Variants in EXOSC1 observed in about 807,000 individuals in gnomAD.
EXOSC1 encodes exosome complex component CSL4.
EXOSC1 carries 27 observed loss-of-function variants against 31.4 expected under a neutral mutation model. That is an observed-to-expected ratio of 0.86 (90% CI 0.63 to 1.18). The LOEUF is 1.18. EXOSC1 is among the 50% of genes most tolerant of loss of function. EXOSC1 has a pLI of 0.00. For synonymous variants in EXOSC1, 84 were observed against 89.5 expected (o/e 0.94, Z 0.35); for missense variants, 228 against 250.3 (o/e 0.91, Z 0.60).
chr10:97,437,809 G>A (rs958742377), intron 5 of EXOSC1, 59 bp from the exon 6 acceptor site: 2 of 1,406,174 alleles, frequency 1.4e-6, no homozygotes, highest in East Asian at 2.3e-5. Context: ...ATATGAAACT[G>A]TGAACGCTTC....
rs1391159719 is a variant in EXOSC1, at chr10:97,437,196, T to C, written c.476A>G (p.Glu159Gly). ...NELGVVVAHS[E>G]SGIQMVPISW... ...TGGAAACAAGGCCATCTCACCTGAC[T>C]CACTGTGGGCTACCACCACTCCCAG... The change falls in exon 7 of 8, where the codon GAG becomes GGG. Residue 159 changes from glutamate to glycine, a missense_variant. By Grantham distance (98) the Glu-to-Gly change is moderately conservative. Transcript: ENST00000370902. 6.2e-7 allele frequency: 1 copy of C among 1,613,690 alleles called. No homozygotes were observed. Among genetic ancestry groups the C allele is most frequent in the South Asian group, 1.1e-5 (1 of 91,050 alleles).
At chr10:97,436,840 A>G (rs944204322) in intron 7 of EXOSC1, among the ~76,000 whole-genome samples, 1 of 152,164 alleles carries the variant, frequency 6.6e-6, no homozygotes, top group African/African-American at 2.4e-5. Context: ...CCTGGCCAAC[A>G]TGGCGAAACC....
intron 6 of EXOSC1, 47 bp from the exon 7 acceptor site, chr10:97,437,322 C>T (rs761743572): frequency 4.0e-5 from 59 of 1,460,944 alleles, no homozygotes; most frequent in Non-Finnish European, 5.0e-5. Context: ...TAGAAGTCTT[C>T]CCCCACCTTA....
chr10:97,442,241 A>T (rs1029333819), intron 3 of EXOSC1, among the ~76,000 whole-genome samples: 1 of 151,932 alleles, frequency 6.6e-6, no homozygotes, highest in Non-Finnish European at 1.5e-5. Context: ...AAAAGAACTC[A>T]GCTTCAGATG....
In EXOSC1 at chr10:97,443,265, G is replaced by A; in HGVS notation, c.194C>T (p.Pro65Leu). Residue 65 changes from proline to leucine, a missense_variant, in exon 3 of 8, where the codon CCA becomes CTA. By Grantham distance (98) the Pro-to-Leu change is moderately conservative. Transcript: ENST00000370902. ...ACAGGTTACAATAGCTCCCACATCT[G>A]GCAGTAACTGGGACTCTGTTTCTCT... ...VVRETESQLL[P>L]DVGAIVTCKV... The A allele has an allele frequency of 1.9e-6, 3 of 1,614,076 alleles. No individual in the cohort carries two copies. Among genetic ancestry groups the A allele is most frequent in the Non-Finnish European group, 2.5e-6 (3 of 1,179,980 alleles).
At position 97,436,425 on chromosome 10, in the gene EXOSC1, A is replaced by C. The variant is rs769017478; in HGVS notation, c.*20T>G. On this transcript the variant is annotated 3_prime_UTR_variant, in exon 8 of 8. Coordinates refer to ENST00000370902, the MANE Select transcript of EXOSC1 (RefSeq NM_016046.5). Reference sequence around the variant, plus strand: ...ACTCAGGAACAGCTTACCCCCTTCCATAGGGTAAAAAGTGGCTTCTTAGGT... The same window carrying C: ...ACTCAGGAACAGCTTACCCCCTTCCCTAGGGTAAAAAGTGGCTTCTTAGGT... The C allele has an allele frequency of 1.9e-6, 3 of 1,570,608 alleles. No individual in the cohort carries two copies. The highest frequency in any genetic ancestry group is 2.6e-6 in the Non-Finnish European group (3 of 1,141,118).
Position 97,445,841 on chromosome 10 carries a change from C to A in EXOSC1, c.38G>T (p.Arg13Leu). 1.2e-6 allele frequency: 2 copies of A among 1,613,862 alleles called. No individual in the cohort carries two copies. The highest frequency in any genetic ancestry group is 1.7e-6 in the Non-Finnish European group (2 of 1,179,810). The change falls in exon 2 of 8, where the codon CGT becomes CTT. Residue 13 changes from arginine (R) to leucine (L), a missense_variant. Physicochemically the swap from Arg to Leu is moderately radical, Grantham distance 102. Transcript: ENST00000370902. ...GCTGCCCTCCTCCAAGTTACACAGA[C>A]GTTCGCCTGCAGAAAAAATGCTGCA... ...PPVRYCIPGE[R>L]LCNLEEGSPG...
intron 4 of EXOSC1, chr10:97,440,705 G>A (rs1845687934): frequency 6.6e-6 from 1 of 152,512 alleles, no homozygotes. Flanking sequence ...TTTTAGTAGA[G>A]ACAGGGTTTC....
chr10:97,440,129 C>T (rs1286706247), intron 4 of EXOSC1, among the ~76,000 whole-genome samples: 17 of 152,016 alleles, frequency 1.1e-4, no homozygotes, highest in Non-Finnish European at 2.2e-4. Flanking sequence ...TGTGCCACCA[C>T]GCCTGGCTAA....
intron 2 of EXOSC1, 167 bp downstream of exon 2, chr10:97,445,565 T>C: frequency 3.1e-6 from 2 of 638,026 alleles, no homozygotes; most frequent in East Asian, 5.5e-5. Context: ...AACTAGTGTG[T>C]GGTGGCTAAG....
At chr10:97,445,589 C>T in intron 2 of EXOSC1, 143 bp downstream of exon 2, 1 of 710,856 alleles carries the variant, frequency 1.4e-6, no homozygotes, top group South Asian at 1.9e-5. Context: ...ACCACAGCGG[C>T]GATACGGCTA....
chr10:97,441,104 C>T, intron 4 of EXOSC1, 67 bp downstream of exon 4: 10 of 1,264,966 alleles, frequency 7.9e-6, no homozygotes, highest in Non-Finnish European at 1.1e-5. Context: ...GCTCAAAATT[C>T]TGGTGTCCTA....
rs911055742 is a variant in EXOSC1 at position 97,441,268 on chromosome 10, T to C, written c.223-9A>G. 6.2e-7 allele frequency: 1 copy of C among 1,613,028 alleles called. No individual in the cohort carries two copies. Among genetic ancestry groups the C allele is most frequent in the Non-Finnish European group, 8.5e-7 (1 of 1,179,148 alleles). On this transcript the variant is annotated splice_polypyrimidine_tract_variant and intron_variant, in intron 3 of 7. Transcript: ENST00000370902. ...GAATTGATGCTAGAGACCTGCGGAATAGAGAAAAGATCAGCATCAGAGTAT... is the reference window on the plus strand; with the variant it reads ...GAATTGATGCTAGAGACCTGCGGAACAGAGAAAAGATCAGCATCAGAGTAT...
intron 7 of EXOSC1, 24 bp downstream of exon 7, chr10:97,437,167 G>A (rs1207543843): frequency 6.2e-7 from 1 of 1,600,930 alleles, no homozygotes; most frequent in South Asian, 1.1e-5. Flanking sequence ...GGAAAGTAAG[G>A]ATGTGGAAAC....
At chr10:97,442,987 G>A (rs544483716) in intron 3 of EXOSC1, among the ~76,000 whole-genome samples, 9 of 152,076 alleles carry the variant, frequency 5.9e-5, no homozygotes, top group African/African-American at 1.7e-4. Flanking sequence ...CACCATGCCC[G>A]GCAATTTTTG....
intron 2 of EXOSC1, 95 bp downstream of exon 2, chr10:97,445,637 C>G (rs1845931536): frequency 1.7e-6 from 2 of 1,163,542 alleles, no homozygotes; most frequent in Non-Finnish European, 2.5e-6. Flanking sequence ...CACTGAGGCA[C>G]TAAAGACGCG....
chr10:97,445,845 C>G lies in EXOSC1; in HGVS notation c.34G>C (p.Glu12Gln). The change falls in exon 2 of 8, where the codon GAA becomes CAA. Residue 12 changes from glutamate to glutamine, a missense_variant and splice_region_variant. Glu to Gln is a conservative substitution (Grantham distance 29, BLOSUM62 2). Coordinates refer to ENST00000370902, the MANE Select transcript of EXOSC1 (RefSeq NM_016046.5). ...APPVRYCIPG[E>Q]RLCNLEEGSP... Reference sequence around the variant, plus strand: ...CCCTCCTCCAAGTTACACAGACGTTCGCCTGCAGAAAAAATGCTGCATCGG... The same window carrying G: ...CCCTCCTCCAAGTTACACAGACGTTGGCCTGCAGAAAAAATGCTGCATCGG... The G allele has an allele frequency of 1.2e-6, 2 of 1,613,866 alleles. No individual in the cohort carries two copies. The highest frequency in any genetic ancestry group is 1.7e-6 in the Non-Finnish European group (2 of 1,179,792).
At chr10:97,443,168 C>T in intron 3 of EXOSC1, 69 bp downstream of exon 3, 2 of 1,299,346 alleles carry the variant, frequency 1.5e-6, no homozygotes, top group Non-Finnish European at 1.1e-6. Flanking sequence ...CTGGACACTG[C>T]AGTTCTGGTA....
chr10:97,439,325 T>C (rs2861953), intron 4 of EXOSC1, among the ~76,000 whole-genome samples: 2 of 152,192 alleles, frequency 1.3e-5, no homozygotes, highest in African/African-American at 2.4e-5. Flanking sequence ...CCGGGCTGCA[T>C]AGAAGGAAGT....
Sources: gnomAD v4.1 joint callset for allele counts (sites outside exome capture counted in the v4.1 genomes callset) on GRCh38, gnomAD v4.1.1 for gene constraint, MANE v1.5 for transcripts, NCBI Gene and HGNC (gene_info 2026-07-23, HGNC 2026-07-21) for gene names.